Variants in PYGM observed in about 807,000 individuals in gnomAD.
The protein encoded by PYGM is glycogen phosphorylase, muscle associated.
Under a neutral mutation model 99.3 loss-of-function variants are expected in PYGM, and 81 were observed. The observed-to-expected ratio is 0.82, with a 90% CI of 0.68 to 0.98. The LOEUF (loss-of-function observed/expected upper bound fraction) is 0.98, where lower values mean the gene tolerates loss of function less well. Ranked by LOEUF, PYGM falls within the 50% of genes least tolerant of loss-of-function variation. The probability of loss-of-function intolerance (pLI) is 0.00; values close to 1 mark genes in which losing one functional copy is unlikely to be tolerated. For synonymous variants in PYGM, 436 were observed against 451.5 expected, an observed-to-expected ratio of 0.97 and a Z score of 0.44; for missense variants, 1,030 against 1,158.1, an observed-to-expected ratio of 0.89 and a Z score of 1.61.
At chr11:64,752,776 C>T (rs2058365667) in intron 12 of PYGM, among the ~76,000 whole-genome samples, 1 of 152,234 alleles carries the variant, frequency 6.6e-6, no homozygotes, top group South Asian at 2.1e-4. Context: ...CATGACCTTG[C>T]GCCTTCCCTA....
intron 1 of PYGM, 98 bp from the exon 2 acceptor site, chr11:64,758,802 G>C (rs1416026533): frequency 9.3e-7 from 1 of 1,071,586 alleles, no homozygotes; most frequent in African/African-American, 1.6e-5. Context: ...CGCCTGCCCT[G>C]CTCAGCAGTC....
rs1255956938 is a variant in PYGM, at chr11:64,746,695, G to A, written c.2493C>T (p.Ser831=). ...YAREIWGVEP[S]RQRLPAPDEA... ...CATCCGGGGCTGGCAGGCGCTGGCGGGAAGGCTCCACACCCCAGATCTCCC... is the reference window on the plus strand; with the variant it reads ...CATCCGGGGCTGGCAGGCGCTGGCGAGAAGGCTCCACACCCCAGATCTCCC... The change falls in exon 20 of 20, where the codon TCC becomes TCT. Residue 831 remains serine, a synonymous_variant. Transcript: ENST00000164139. 6.2e-7 allele frequency: 1 copy of A among 1,614,194 alleles called. No homozygotes were observed. The highest frequency in any genetic ancestry group is 8.5e-7 in the Non-Finnish European group (1 of 1,180,030).
chr11:64,755,434 T>A lies in PYGM; in HGVS notation c.772+13A>T. The A allele has an allele frequency of 6.2e-7, 1 of 1,613,432 alleles. No individual in the cohort carries two copies. The highest frequency in any genetic ancestry group is 8.5e-7 in the Non-Finnish European group (1 of 1,179,410). On this transcript the variant is annotated intron_variant, in intron 6 of 19. Transcript: ENST00000164139. The surrounding 1 kb of genome is among the most constrained non-coding windows in gnomAD (Gnocchi z 4.1). ...GCAAGCTGGGGTTGCTGGCTACCAG[T>A]GGATGAACTCACAGTCCTTGAGGTT...
At position 64,746,901 on chromosome 11, in the gene PYGM, C is replaced by G; in HGVS notation, c.2379+20G>C. 6.2e-7 allele frequency: 1 copy of G among 1,614,216 alleles called. No individual in the cohort carries two copies. Among genetic ancestry groups the G allele is most frequent in the South Asian group, 1.1e-5 (1 of 91,090 alleles). On this transcript the variant is annotated intron_variant, in intron 19 of 19. Coordinates refer to ENST00000164139, the MANE Select transcript of PYGM (RefSeq NM_005609.4). ...CAGGGCCACCAAAGCCCTGCCAACC[C>G]CTGGCCCAGGACCCCTCACCTTGTA...
rs2058389844 is a variant in PYGM, at chr11:64,755,651, G to A, written c.661-93C>T. 1 of 926,982 alleles carries A rather than the reference G, an allele frequency of 1.1e-6. No homozygotes were observed. Among genetic ancestry groups the A allele is most frequent in the Non-Finnish European group, 1.7e-6 (1 of 584,350 alleles). 57.4% of individuals were successfully genotyped at this position (926,982 alleles called of 1,614,324 possible). On this transcript the variant is annotated intron_variant, in intron 5 of 19. Transcript: ENST00000164139. The surrounding 1 kb of genome is among the most constrained non-coding windows in gnomAD (Gnocchi z 4.1). Reference sequence around the variant, plus strand: ...ACTCAAGGCTTTATCCCTGCACTCTGCAGACCCAGGCTCTTGTCCTTGTCT... The same window carrying A: ...ACTCAAGGCTTTATCCCTGCACTCTACAGACCCAGGCTCTTGTCCTTGTCT...
intron 11 of PYGM, 140 bp downstream of exon 11, chr11:64,753,379 T>C: frequency 7.6e-7 from 1 of 1,311,716 alleles, no homozygotes; most frequent in Non-Finnish European, 1.1e-6. Flanking sequence ...GCTGCTGTGC[T>C]TGTAAGAATG....
rs2058387682 is a variant in PYGM, at chr11:64,755,411, A to G, written c.772+36T>C. 1 of 1,612,936 alleles carries G rather than the reference A, an allele frequency of 6.2e-7. No homozygotes were observed. The highest frequency in any genetic ancestry group is 2.2e-5 in the East Asian group (1 of 44,872). ...CCTGCGCTGGGCGTGGCCGGCGGGCAAGCTGGGGTTGCTGGCTACCAGTGG... is the reference window on the plus strand; with the variant it reads ...CCTGCGCTGGGCGTGGCCGGCGGGCGAGCTGGGGTTGCTGGCTACCAGTGG... On this transcript the variant is annotated intron_variant, in intron 6 of 19. Coordinates refer to ENST00000164139, the MANE Select transcript of PYGM (RefSeq NM_005609.4). The surrounding 1 kb of genome is among the most constrained non-coding windows in gnomAD (Gnocchi z 4.1).
At chr11:64,749,949 C>T (rs1285999338) in intron 17 of PYGM, among the ~76,000 whole-genome samples, 5 of 151,950 alleles carry the variant, frequency 3.3e-5, no homozygotes, top group African/African-American at 7.2e-5. Flanking sequence ...CCTGCCAACA[C>T]GCCCGGCTAA....
chr11:64,749,637 G>A lies in PYGM; in HGVS notation c.2177+739C>T, dbSNP rs1351423622. On this transcript the variant is annotated intron_variant, in intron 17 of 19. Coordinates refer to ENST00000164139, the MANE Select transcript of PYGM (RefSeq NM_005609.4). ...AGCCTGGGTGACAGAGCGAGACTCC[G>A]TCTCAAAAAAAAAAATACATTAAAA... Among the ~76,000 whole-genome samples the A allele has an allele frequency of 4.0e-5, 6 of 149,802 alleles. No individual in the cohort carries two copies. In the East Asian group the frequency reaches 5.9e-4, roughly 15 times the overall value.
Position 64,753,967 on chromosome 11 carries a change from G to T in PYGM, c.1151C>A (p.Ala384Asp). ...GAGGTGCACCGGCCAGCGCTCCAGG[G>T]CCTCGGGCAGCACCGTGTGGTTGGT... ...AYTNHTVLPE[A>D]LERWPVHLLE... Residue 384 changes from alanine (A) to aspartate (D), a missense_variant, in exon 10 of 20, where the codon GCC (alanine) becomes GAC (aspartate). Transcript: ENST00000164139. 1 of 1,605,576 alleles carries T rather than the reference G, an allele frequency of 6.2e-7. No individual in the cohort carries two copies. The highest frequency in any genetic ancestry group is 8.5e-7 in the Non-Finnish European group (1 of 1,176,028).
chr11:64,751,874 C>A (rs750341556), intron 14 of PYGM, 50 bp downstream of exon 14: 3 of 1,611,304 alleles, frequency 1.9e-6, no homozygotes, highest in Non-Finnish European at 2.5e-6. Context: ...TACTATGCCG[C>A]AGGAACACGG....
At position 64,753,083 on chromosome 11, in the gene PYGM, AC is replaced by A. The variant is rs1272600960; in HGVS notation, c.1507del (p.Val503SerfsTer36). On this transcript the variant is annotated frameshift_variant, in exon 12 of 20. Transcript: ENST00000164139. LOFTEE classifies it high-confidence loss of function. ...ACGGTGGCCTCTCACCTCAGCAATG[AC>A]CTCTGCCAGCCCGGGGTTACACAGA... The part of the protein sequence containing the change: ...LVLCNPGLAE[V>X]IAERIGEDFI... 2 of 1,611,648 alleles carry A rather than the reference AC, an allele frequency of 1.2e-6. No homozygotes were observed. Among genetic ancestry groups the A allele is most frequent in the Non-Finnish European group, 1.7e-6 (2 of 1,178,062 alleles).
chr11:64,758,346 C>T lies in PYGM; in HGVS notation c.428G>A (p.Cys143Tyr). The T allele has an allele frequency of 6.2e-7, 1 of 1,613,816 alleles. No homozygotes were observed. The highest frequency in any genetic ancestry group is 1.1e-5 in the South Asian group (1 of 91,076). Residue 143 changes from cysteine (C) to tyrosine (Y), a missense_variant, in exon 4 of 20, where the codon TGC becomes TAC. Cys to Tyr is a radical substitution (Grantham distance 194). Coordinates refer to ENST00000164139, the MANE Select transcript of PYGM (RefSeq NM_005609.4). ...GNGGLGRLAA[C>Y]FLDSMATLGL... ...CAGTGTTGCCATGGAGTCAAGAAAG[C>T]AGGCTGGGGGTGTGCAGGGAGGTGG...
chr11:64,754,036 G>T lies in PYGM; in HGVS notation c.1093-11C>A. The T allele has an allele frequency of 6.3e-7, 1 of 1,597,656 alleles. No individual in the cohort carries two copies. Among genetic ancestry groups the T allele is most frequent in the East Asian group, 2.3e-5 (1 of 44,024 alleles). On this transcript the variant is annotated splice_polypyrimidine_tract_variant and intron_variant, in intron 9 of 19. Coordinates refer to ENST00000164139, the MANE Select transcript of PYGM (RefSeq NM_005609.4). This position sits in a 1 kb window ranked among gnomAD's most constrained non-coding sequence, Gnocchi z 5.5. ...TGTCACATCCCACGCCTGGCACACGGGGTGGGCAGTCAGGATGCTGACCTC... is the reference window on the plus strand; with the variant it reads ...TGTCACATCCCACGCCTGGCACACGTGGTGGGCAGTCAGGATGCTGACCTC...
upstream of PYGM, among the ~76,000 whole-genome samples, chr11:64,760,565 A>G (rs2058428221): frequency 6.6e-6 from 1 of 152,150 alleles, no homozygotes; most frequent in East Asian, 1.9e-4. Flanking sequence ...GACCTTTTGG[A>G]GAGGGATGCT....
In PYGM at chr11:64,754,852, G is replaced by A; in HGVS notation, c.856-16C>T. 2 of 1,613,370 alleles carry A rather than the reference G, an allele frequency of 1.2e-6. No individual in the cohort carries two copies. The highest frequency in any genetic ancestry group is 1.7e-6 in the Non-Finnish European group (2 of 1,179,944). ...CTTCGAAGAACTGGGGACAGCATGA[G>A]GCAGCGTGAGTCAGGGCGGTGGGGG... On this transcript the variant is annotated splice_polypyrimidine_tract_variant and intron_variant, in intron 7 of 19. Coordinates refer to ENST00000164139, the MANE Select transcript of PYGM (RefSeq NM_005609.4). This position sits in a 1 kb window ranked among gnomAD's most constrained non-coding sequence, Gnocchi z 5.5.
rs369431327 is a variant in PYGM at position 64,753,119 on chromosome 11, C to A, written c.1472G>T (p.Arg491Leu). Residue 491 changes from arginine to leucine, a missense_variant, in exon 12 of 20, where the codon CGC (arginine) becomes CTC (leucine). Coordinates refer to ENST00000164139, the MANE Select transcript of PYGM (RefSeq NM_005609.4). ...QNKTNGITPR[R>L]WLVLCNPGLA... ...CCCGGGGTTACACAGAACCAGCCAG[C>A]GCCGAGGGGTGATGCCGTTGGTCTT... 6.2e-7 allele frequency: 1 copy of A among 1,614,002 alleles called. No homozygotes were observed. The highest frequency in any genetic ancestry group is 8.5e-7 in the Non-Finnish European group (1 of 1,179,984).
At chr11:64,760,017 C>T (rs1458853485), upstream of PYGM, 6 of 1,451,124 alleles carry the variant, frequency 4.1e-6, no homozygotes, top group Admixed American at 1.2e-4. Context: ...TGGCTCTGGG[C>T]AGCACGCCCC....
Position 64,746,575 on chromosome 11 carries a change from AC to A in PYGM, c.*83del, listed in dbSNP as rs1292814990. 1.3e-6 allele frequency: 2 copies of A among 1,565,586 alleles called. No individual in the cohort carries two copies. The highest frequency in any genetic ancestry group is 1.1e-5 in the South Asian group (1 of 90,236). ...AGGGGCTTAGAGATCTAACTCCAGT[AC>A]CCCACCCTCTGCATGAGGTGCTGGG... On this transcript the variant is annotated 3_prime_UTR_variant, in exon 20 of 20. Coordinates refer to ENST00000164139, the MANE Select transcript of PYGM (RefSeq NM_005609.4).
Sources: allele counts gnomAD v4.1 joint callset (sites outside exome capture counted in the v4.1 genomes callset), GRCh38; gene constraint gnomAD v4.1.1; non-coding constraint Gnocchi (gnomAD v3.1); transcripts MANE v1.5; gene names NCBI Gene and HGNC (gene_info 2026-07-23, HGNC 2026-07-21).